Variants in BIN2 observed in about 807,000 individuals in gnomAD.
BIN2 encodes the protein bridging integrator 2.
In BIN2, 43 loss-of-function variants were observed where a neutral mutation model predicts 67.9. The ratio of observed to expected loss-of-function variants is 0.63; its 90% CI spans 0.50 to 0.82. The LOEUF is 0.82. BIN2 is among the 40% of genes least tolerant of loss of function. BIN2 has a pLI of 0.00. For missense variants in BIN2, 581 were observed against 671.6 expected, an observed-to-expected ratio of 0.87 and a Z score of 1.49; for synonymous variants, 244 against 246.8, an observed-to-expected ratio of 0.99 and a Z score of 0.11.
chr12:51,285,957 G>C (rs1472377311), intron 11 of BIN2, among the ~76,000 whole-genome samples: 2 of 152,078 alleles, frequency 1.3e-5, no homozygotes, highest in African/African-American at 4.8e-5. Context: ...GAAATTCCAA[G>C]ATTTCTCCTT....
At chr12:51,319,970 C>T (rs1333251920) in intron 1 of BIN2, among the ~76,000 whole-genome samples, 12 of 150,774 alleles carry the variant, frequency 8.0e-5, no homozygotes, top group South Asian at 2.1e-4. Flanking sequence ...TCCTTCCTTC[C>T]TTCCTTTTCT....
At chr12:51,322,195 G>A (rs1254640987) in intron 1 of BIN2, among the ~76,000 whole-genome samples, 2 of 152,124 alleles carry the variant, frequency 1.3e-5, no homozygotes, top group African/African-American at 4.8e-5. Context: ...TTACCATATT[G>A]AGTTTCATCA....
intron 9 of BIN2, among the ~76,000 whole-genome samples, chr12:51,295,590 A>AG (rs1945539968): frequency 1.7e-4 from 3 of 17,722 alleles, no homozygotes; most frequent in East Asian, 3.9e-3. Context: ...ATATATATAT[A>AG]TATATATATA....
intron 1 of BIN2, among the ~76,000 whole-genome samples, chr12:51,320,725 A>G (rs1946249132): frequency 6.6e-6 from 1 of 151,184 alleles, no homozygotes. Context: ...CCAGCCCAGT[A>G]CCCTGAACAA....
chr12:51,316,493 C>CA (rs146134117), intron 1 of BIN2, among the ~76,000 whole-genome samples: 16 of 150,790 alleles, frequency 1.1e-4, no homozygotes, highest in South Asian at 2.1e-4. Context: ...GAAATTGTCT[C>CA]AAAAAAAAGA....
In BIN2 at chr12:51,292,026, T is replaced by C; in HGVS notation, c.1080A>G (p.Glu360=). The change falls in exon 10 of 13, where the codon GAA becomes GAG. Residue 360 remains glutamate (E), a synonymous_variant. Coordinates refer to ENST00000615107, the MANE Select transcript of BIN2 (RefSeq NM_016293.4). Reference sequence around the variant, plus strand: ...ATGGAGTTGTGGAGCTGGGGAGAACTTCCTCCTGGGACTTGGCCCTTTCAG... The same window carrying C: ...ATGGAGTTGTGGAGCTGGGGAGAACCTCCTCCTGGGACTTGGCCCTTTCAG... ...PTTERAKSQE[E]VLPSSTTPSP... is the part of the protein sequence containing the mutation. 6.2e-7 allele frequency: 1 copy of C among 1,614,132 alleles called. No homozygotes were observed. Among genetic ancestry groups the C allele is most frequent in the Non-Finnish European group, 8.5e-7 (1 of 1,179,992 alleles).
intron 2 of BIN2, among the ~76,000 whole-genome samples, chr12:51,306,923 T>G (rs1052099168): frequency 1.3e-4 from 20 of 152,174 alleles, no homozygotes; most frequent in African/African-American, 4.8e-4. Context: ...GGTAGAGGTT[T>G]GAGAATTTTG....
intron 11 of BIN2, among the ~76,000 whole-genome samples, chr12:51,286,192 C>T (rs1945232581): frequency 6.6e-6 from 1 of 151,994 alleles, no homozygotes; most frequent in Non-Finnish European, 1.5e-5. Context: ...TGTGACATGT[C>T]CATAATTCTG....
chr12:51,297,929 T>C (rs1945613527), intron 7 of BIN2, among the ~76,000 whole-genome samples: 1 of 152,202 alleles, frequency 6.6e-6, no homozygotes, highest in Non-Finnish European at 1.5e-5. Context: ...CAAGGAGGTA[T>C]ACTTTTAAAG....
chr12:51,301,522 CT>C (rs1306404864), intron 5 of BIN2, among the ~76,000 whole-genome samples: 1 of 151,880 alleles, frequency 6.6e-6, no homozygotes, highest in Admixed American at 6.6e-5. Flanking sequence ...TATTTATTTA[CT>C]TTTTTTGAGA....
intron 9 of BIN2, among the ~76,000 whole-genome samples, chr12:51,293,694 A>G (rs2137366219): frequency 6.6e-6 from 1 of 152,364 alleles, no homozygotes. Flanking sequence ...GGAAAGTCAC[A>G]GAACAGGAAC....
At chr12:51,314,022 T>C (rs1025252993) in intron 1 of BIN2, 119 bp from the exon 2 acceptor site, 16 of 47,318 alleles carry the variant, frequency 3.4e-4, no homozygotes, top group Middle Eastern at 4.7e-3. Flanking sequence ...CTGTACTTAT[T>C]TATTTATTTA....
In BIN2 at chr12:51,291,992, C is replaced by T. The variant is rs375136926; in HGVS notation, c.1114G>A (p.Gly372Arg). 19 of 1,614,164 alleles carry T rather than the reference C, an allele frequency of 1.2e-5. No individual in the cohort carries two copies. The African/African-American group carries it at 1.6e-4, about 14-fold the overall frequency. The change falls in exon 10 of 13, where the codon GGA (glycine) becomes AGA (arginine). Residue 372 changes from glycine to arginine, a missense_variant. Transcript: ENST00000615107. ...LPSSTTPSPG[G>R]ALSPSGQPSS... Reference sequence around the variant, plus strand: ...GGCTGCCCTGAAGGGCTCAGGGCTCCGCCTGGTGATGGAGTTGTGGAGCTG... The same window carrying T: ...GGCTGCCCTGAAGGGCTCAGGGCTCTGCCTGGTGATGGAGTTGTGGAGCTG...
chr12:51,290,767 A>G (rs1180586262), intron 10 of BIN2, among the ~76,000 whole-genome samples: 1 of 151,804 alleles, frequency 6.6e-6, no homozygotes, highest in East Asian at 2.0e-4. Flanking sequence ...CCCCATCTCT[A>G]CTAAAAATAC....
intron 11 of BIN2, among the ~76,000 whole-genome samples, chr12:51,285,632 T>C (rs1316630954): frequency 2.6e-5 from 4 of 151,182 alleles, no homozygotes; most frequent in East Asian, 3.9e-4. Context: ...CTTTCTTTTT[T>C]TTTTTTTTTG....
intron 2 of BIN2, among the ~76,000 whole-genome samples, chr12:51,313,454 T>G (rs1324460259): frequency 6.6e-6 from 1 of 151,736 alleles, no homozygotes; most frequent in Non-Finnish European, 1.5e-5. Context: ...TTCTCCTGCC[T>G]CAGCCTGCCG....
chr12:51,303,288 T>C (rs1945780184), intron 2 of BIN2, 147 bp from the exon 3 acceptor site: 2 of 842,962 alleles, frequency 2.4e-6, no homozygotes, highest in African/African-American at 1.7e-5. Context: ...AGCCTTTACT[T>C]TCTTTACCAA....
chr12:51,314,587 G>A (rs547781166), intron 1 of BIN2, among the ~76,000 whole-genome samples: 91 of 152,044 alleles, frequency 6.0e-4, no homozygotes, highest in African/African-American at 2.1e-3. Context: ...ATCACCTTAA[G>A]TCGGGAGTTC....
chr12:51,299,348 C>T (rs1270452805), intron 6 of BIN2, 60 bp from the exon 7 acceptor site: 1 of 1,464,774 alleles, frequency 6.8e-7, no homozygotes, highest in Non-Finnish European at 9.5e-7. Context: ...CTACAGCATG[C>T]CTCCTTCATC....
Sources: allele counts gnomAD v4.1 joint callset (sites outside exome capture counted in the v4.1 genomes callset), GRCh38; gene constraint gnomAD v4.1.1; transcripts MANE v1.5; gene names NCBI Gene and HGNC (gene_info 2026-07-23, HGNC 2026-07-21).